Variants in SGCZ observed in about 807,000 individuals in gnomAD.
SGCZ encodes the protein zeta-sarcoglycan.
SGCZ carries 40 observed loss-of-function variants against 41.3 expected under a neutral mutation model. The observed-to-expected ratio is 0.97, with a 90% confidence interval of 0.75 to 1.26. SGCZ has a LOEUF of 1.26. SGCZ is among the 50% of genes most tolerant of loss of function. The pLI, the probability that SGCZ is intolerant of heterozygous loss-of-function variation, is 0.00. For missense variants in SGCZ, 552 were observed against 369.8 expected (o/e 1.49, Z -4.04); for synonymous variants, 206 against 137.5 (o/e 1.50, Z -3.49).
chr8:14,889,633 C>T (rs1804935934), intron 1 of SGCZ, among the ~76,000 whole-genome samples: 1 of 151,688 alleles, frequency 6.6e-6, no homozygotes, highest in African/African-American at 2.4e-5. Context: ...TTGAAGTAAA[C>T]ATGGATCAAA....
chr8:14,749,030 T>C lies in SGCZ; in HGVS notation c.40-194104A>G, dbSNP rs565644604. Reference sequence around the variant, plus strand: ...TAGCTTTTATATACAAAAATAAGGTTGACTAATTTTCATCCAATTTCTATC... The same window carrying C: ...TAGCTTTTATATACAAAAATAAGGTCGACTAATTTTCATCCAATTTCTATC... On this transcript the variant is annotated intron_variant, in intron 1 of 7. Coordinates refer to ENST00000382080, the MANE Select transcript of SGCZ (RefSeq NM_139167.4). Among the ~76,000 whole-genome samples, 33 of 152,248 alleles carry C rather than the reference T, an allele frequency of 2.2e-4. No homozygotes were observed. The Middle Eastern group carries it at 0.01, about 47-fold the overall frequency.
chr8:14,478,360 T>C (rs1045162060), intron 2 of SGCZ, among the ~76,000 whole-genome samples: 1 of 152,136 alleles, frequency 6.6e-6, no homozygotes, highest in Non-Finnish European at 1.5e-5. Context: ...TAAAAACAAA[T>C]GACCAATCAA....
intron 3 of SGCZ, among the ~76,000 whole-genome samples, chr8:14,241,290 A>G (rs1054969958): frequency 5.9e-5 from 9 of 151,816 alleles, no homozygotes; most frequent in African/African-American, 1.9e-4. Flanking sequence ...TGCTGAGAAG[A>G]TAAAGGAGAG....
intron 1 of SGCZ, among the ~76,000 whole-genome samples, chr8:14,707,180 C>A (rs1176450643): frequency 1.9e-5 from 2 of 105,424 alleles, no homozygotes; most frequent in African/African-American, 6.8e-5. Context: ...CTAACCCTCC[C>A]CCCTCCCCCC....
intron 1 of SGCZ, among the ~76,000 whole-genome samples, chr8:15,232,710 T>C (rs1448966491): frequency 6.8e-6 from 1 of 147,204 alleles, no homozygotes; most frequent in African/African-American, 2.5e-5. Flanking sequence ...TATATACATA[T>C]ATATGTGTGT....
intron 1 of SGCZ, among the ~76,000 whole-genome samples, chr8:14,605,420 C>T (rs909326164): frequency 6.6e-6 from 1 of 152,086 alleles, no homozygotes; most frequent in Non-Finnish European, 1.5e-5. Flanking sequence ...TCGAATTACA[C>T]TCTTTTAGTT....
intron 2 of SGCZ, among the ~76,000 whole-genome samples, chr8:14,552,339 T>G (rs1206511155): frequency 6.6e-6 from 1 of 152,080 alleles, no homozygotes; most frequent in Non-Finnish European, 1.5e-5. Flanking sequence ...TACATTGAGC[T>G]AGAGAGTGTG....
In SGCZ at chr8:14,103,947, C is replaced by T. The variant is rs548448312; in HGVS notation, c.621-1448G>A. 7.2e-5 allele frequency among the ~76,000 whole-genome samples: 11 copies of T among 152,244 alleles called. 1 individual carries two copies. The highest frequency in any genetic ancestry group is 2.6e-4 in the African/African-American group (11 of 41,538). On this transcript the variant is annotated intron_variant, in intron 6 of 7. Coordinates refer to ENST00000382080, the MANE Select transcript of SGCZ (RefSeq NM_139167.4). Reference sequence around the variant, plus strand: ...TTTTTATCACTGATTTTCCCTGATACACAACCCTTCTAGAACTACGCAGAC... The same window carrying T: ...TTTTTATCACTGATTTTCCCTGATATACAACCCTTCTAGAACTACGCAGAC...
chr8:15,036,905 G>C (rs973257599), intron 1 of SGCZ, among the ~76,000 whole-genome samples: 1 of 152,058 alleles, frequency 6.6e-6, no homozygotes, highest in African/African-American at 2.4e-5. Flanking sequence ...TGATCAAGTA[G>C]GGTTTATCCG....
chr8:14,574,380 C>G (rs1459415011), intron 1 of SGCZ, among the ~76,000 whole-genome samples: 4 of 152,112 alleles, frequency 2.6e-5, no homozygotes, highest in Non-Finnish European at 5.9e-5. Flanking sequence ...TTCCCTAAAG[C>G]CAGCCATAAA....
chr8:14,354,510 A>G (rs1803221874), intron 2 of SGCZ, among the ~76,000 whole-genome samples: 1 of 151,818 alleles, frequency 6.6e-6, no homozygotes, highest in Non-Finnish European at 1.5e-5. Context: ...GAAAGAGATG[A>G]TATTCCAACA....
chr8:15,031,822 G>A (rs116796785), intron 1 of SGCZ, among the ~76,000 whole-genome samples: 1 of 151,762 alleles, frequency 6.6e-6, no homozygotes. Flanking sequence ...CTTCTCTTTA[G>A]CATCTCTACG....
chr8:14,993,497 T>C (rs1802098239), intron 1 of SGCZ, among the ~76,000 whole-genome samples: 1 of 152,114 alleles, frequency 6.6e-6, no homozygotes, highest in Non-Finnish European at 1.5e-5. Context: ...CAGAAGATGA[T>C]GAGTGCTATG....
chr8:14,698,660 T>A (rs1809040603), intron 1 of SGCZ, among the ~76,000 whole-genome samples: 1 of 151,956 alleles, frequency 6.6e-6, no homozygotes, highest in Admixed American at 6.6e-5. Flanking sequence ...TATTATATCC[T>A]AATCTCTAAA....
At chr8:15,011,934 T>A (rs1002858883) in intron 1 of SGCZ, among the ~76,000 whole-genome samples, 1 of 152,214 alleles carries the variant, frequency 6.6e-6, no homozygotes, top group Non-Finnish European at 1.5e-5. Context: ...ACAAATATAT[T>A]ATCTAATTTT....
At chr8:14,628,607 C>T (rs768920532) in intron 1 of SGCZ, among the ~76,000 whole-genome samples, 11 of 152,018 alleles carry the variant, frequency 7.2e-5, no homozygotes, top group Non-Finnish European at 1.0e-4. Flanking sequence ...AAGAGAGGAG[C>T]TCTTGTCAAA....
chr8:14,617,975 C>G (rs1806160384), intron 1 of SGCZ, among the ~76,000 whole-genome samples: 1 of 151,878 alleles, frequency 6.6e-6, no homozygotes, highest in Admixed American at 6.6e-5. Flanking sequence ...CCTGTTACAA[C>G]TAAAAGTCAT....
chr8:14,634,683 C>G (rs939387311), intron 1 of SGCZ, among the ~76,000 whole-genome samples: 4 of 151,752 alleles, frequency 2.6e-5, no homozygotes, highest in African/African-American at 9.7e-5. Flanking sequence ...TTAAGAGGAA[C>G]CTGACAAGAA....
chr8:14,918,533 T>C (rs1799503943), intron 1 of SGCZ, among the ~76,000 whole-genome samples: 3 of 152,180 alleles, frequency 2.0e-5, no homozygotes, highest in African/African-American at 7.2e-5. Context: ...CAATACTCAT[T>C]TGAAGTCCAA....
Sources: allele counts gnomAD v4.1 joint callset (sites outside exome capture counted in the v4.1 genomes callset), GRCh38; gene constraint gnomAD v4.1.1; transcripts MANE v1.5; gene names NCBI Gene and HGNC (gene_info 2026-07-23, HGNC 2026-07-21).